Variants in CNIH3 observed in about 807,000 individuals in gnomAD.
CNIH3 encodes protein cornichon homolog 3.
CNIH3 carries 14 observed loss-of-function variants against 24.1 expected under a neutral mutation model. The ratio of observed to expected loss-of-function variants is 0.58; its 90% CI spans 0.38 to 0.91. The LOEUF is 0.91. Among genes scored for constraint, CNIH3 ranks in the 40% least tolerant of loss-of-function variants. CNIH3 has a pLI of 0.00. For synonymous variants in CNIH3, 68 were observed against 73.8 expected (o/e 0.92, Z 0.40); for missense variants, 178 against 196.8 (o/e 0.90, Z 0.57).
intron 2 of CNIH3, among the ~76,000 whole-genome samples, chr1:224,522,616 G>A (rs1197309298): frequency 6.6e-6 from 1 of 152,158 alleles, no homozygotes; most frequent in Non-Finnish European, 1.5e-5. Context: ...GGAAGAGATT[G>A]ACAGGGCATT....
At chr1:224,577,639 G>A (rs1167542047) in intron 4 of CNIH3, among the ~76,000 whole-genome samples, 2 of 152,138 alleles carry the variant, frequency 1.3e-5, no homozygotes, top group African/African-American at 2.4e-5. Flanking sequence ...CAACCACTAT[G>A]GAAAACAGTA....
At chr1:224,493,241 G>A (rs1389216334) in intron 1 of CNIH3, among the ~76,000 whole-genome samples, 1 of 152,150 alleles carries the variant, frequency 6.6e-6, no homozygotes, top group East Asian at 1.9e-4. Flanking sequence ...AAGTAGGGTA[G>A]GTGACTGATT....
At chr1:224,466,841 A>G in intron 1 of CNIH3, among the ~76,000 whole-genome samples, 1 of 152,200 alleles carries the variant, frequency 6.6e-6, no homozygotes, top group South Asian at 2.1e-4. Flanking sequence ...TGCCCTAATC[A>G]CTGAGGTTGA....
At chr1:224,611,021 C>G (rs1485581236) in intron 3 of CNIH3, among the ~76,000 whole-genome samples, 1 of 152,180 alleles carries the variant, frequency 6.6e-6, no homozygotes, top group Non-Finnish European at 1.5e-5. Flanking sequence ...CTGCTCAAAC[C>G]CCCCTTCCTT....
intron 1 of CNIH3, among the ~76,000 whole-genome samples, chr1:224,506,275 G>A (rs534084837): frequency 2.5e-5 from 1 of 39,572 alleles, no homozygotes; most frequent in African/African-American, 6.3e-5. Flanking sequence ...GCACACGCGC[G>A]CGCGCGCGCG....
Position 224,653,422 on chromosome 1 carries a change from C to CAAAA in CNIH3, c.82-27523_82-27520dup, listed in dbSNP as rs60825350. 2.0e-3 allele frequency among the ~76,000 whole-genome samples: 231 copies of CAAAA among 114,318 alleles called. 2 individuals carry two copies. Among genetic ancestry groups the CAAAA allele is most frequent in the Middle Eastern group, 5.4e-3 (1 of 186 alleles). 75.0% of individuals were successfully genotyped at this position (114,318 alleles called of 152,430 possible). On this transcript the variant is annotated intron_variant, in intron 1 of 5. Coordinates refer to ENST00000272133, the MANE Select transcript of CNIH3 (RefSeq NM_152495.2). ...GGGCAGCAAGAGTGAAACTCCACCT[C>CAAAA]AAAAAAAAAAAAAAAAGTGACTGTA...
At chr1:224,722,160 A>G (rs1688757117) in intron 3 of CNIH3, among the ~76,000 whole-genome samples, 1 of 152,132 alleles carries the variant, frequency 6.6e-6, no homozygotes, top group South Asian at 2.1e-4. Context: ...AGGGGTTTTA[A>G]AAAAGAAGCA....
At chr1:224,541,553 G>A (rs1558144481), downstream of CNIH3, among the ~76,000 whole-genome samples, 2 of 152,188 alleles carry the variant, frequency 1.3e-5, no homozygotes, top group African/African-American at 4.8e-5. Context: ...TGGTTACCCT[G>A]AGCTGAGTCA....
At chr1:224,489,855 G>A (rs1011666533) in intron 1 of CNIH3, among the ~76,000 whole-genome samples, 1 of 152,080 alleles carries the variant, frequency 6.6e-6, no homozygotes, top group Non-Finnish European at 1.5e-5. Context: ...CTTCTTGCTG[G>A]GTCCTCACGT....
chr1:224,594,906 T>C (rs553875304), intron 3 of CNIH3, among the ~76,000 whole-genome samples: 75 of 152,306 alleles, frequency 4.9e-4, no homozygotes, highest in Middle Eastern at 3.4e-3. Flanking sequence ...TAAGCACACA[T>C]TGTTTTACTG....
At chr1:224,674,272 GTTTTTTTTTTTTTTTTTTTTTTTT>G (rs71170028) in intron 1 of CNIH3, among the ~76,000 whole-genome samples, 6,229 of 72,944 alleles carry the variant, frequency 0.085, 431 homozygotes, top group East Asian at 0.27. Context: ...TTCCAGGAAG[GTTTTTTTTTTTTTTTTTTTTTTTT>G]TTTTTTTTTT....
At chr1:224,607,080 G>A (rs911706258) in intron 3 of CNIH3, among the ~76,000 whole-genome samples, 7 of 152,220 alleles carry the variant, frequency 4.6e-5, no homozygotes, top group Admixed American at 4.6e-4. Context: ...AGTAAACAGA[G>A]TCCTAAGCCA....
intron 2 of CNIH3, among the ~76,000 whole-genome samples, chr1:224,522,756 A>G (rs1389452623): frequency 2.6e-5 from 4 of 152,204 alleles, no homozygotes; most frequent in African/African-American, 9.7e-5. Context: ...ACAACTGATC[A>G]TATCAGTGTT....
At chr1:224,700,707 C>T (rs955708789) in intron 3 of CNIH3, among the ~76,000 whole-genome samples, 13 of 152,150 alleles carry the variant, frequency 8.5e-5, no homozygotes, top group Admixed American at 4.6e-4. Context: ...AGGGCCCAAA[C>T]AGAAGGGACT....
intron 1 of CNIH3, among the ~76,000 whole-genome samples, chr1:224,669,228 C>T (rs1032785420): frequency 2.0e-5 from 3 of 152,108 alleles, no homozygotes; most frequent in Admixed American, 2.0e-4. Context: ...TCTGGGGTGT[C>T]TTTGTTTCCT....
chr1:224,725,533 ACT>A (rs1458141020), intron 3 of CNIH3, among the ~76,000 whole-genome samples: 1 of 151,998 alleles, frequency 6.6e-6, no homozygotes, highest in African/African-American at 2.4e-5. Context: ...ATGGGTAGAG[ACT>A]CTGAGTCTCA....
At chr1:224,603,470 A>G (rs538359403) in intron 3 of CNIH3, among the ~76,000 whole-genome samples, 2 of 152,290 alleles carry the variant, frequency 1.3e-5, no homozygotes, top group East Asian at 3.9e-4. Flanking sequence ...TTTTAGGCAA[A>G]TAGAGGGAGG....
At chr1:224,503,939 A>T (rs865918458) in intron 1 of CNIH3, among the ~76,000 whole-genome samples, 1 of 152,352 alleles carries the variant, frequency 6.6e-6, no homozygotes, top group Middle Eastern at 3.4e-3. Context: ...CAGGCCTGGG[A>T]AGGCAAACTT....
chr1:224,485,968 T>A (rs1372043693), intron 1 of CNIH3, among the ~76,000 whole-genome samples: 2 of 152,142 alleles, frequency 1.3e-5, no homozygotes, highest in Non-Finnish European at 2.9e-5. Flanking sequence ...CAACTTTTTT[T>A]ATCTTGTCAG....
Sources: gnomAD v4.1 joint callset for allele counts (sites outside exome capture counted in the v4.1 genomes callset) on GRCh38, gnomAD v4.1.1 for gene constraint, MANE v1.5 for transcripts, NCBI Gene and HGNC (gene_info 2026-07-23, HGNC 2026-07-21) for gene names.